Variants in BPIFC observed in about 807,000 individuals in gnomAD.
BPIFC encodes the protein BPI fold-containing family C protein.
In BPIFC, 60 loss-of-function variants were observed where a neutral mutation model predicts 57.6. The ratio of observed to expected loss-of-function variants is 1.04; its 90% CI spans 0.85 to 1.29. BPIFC has a LOEUF of 1.29. Among genes scored for constraint, BPIFC ranks in the 50% most tolerant of loss-of-function variants. The probability of loss-of-function intolerance (pLI) is 0.00; values close to 1 mark genes in which losing one functional copy is unlikely to be tolerated. For missense variants in BPIFC, 581 were observed against 600.5 expected (o/e 0.97, Z 0.34); for synonymous variants, 243 against 224.5 (o/e 1.08, Z -0.74).
intron 4 of BPIFC, among the ~76,000 whole-genome samples, chr22:32,451,405 G>A (rs1201951559): frequency 3.9e-5 from 6 of 152,036 alleles, no homozygotes; most frequent in African/African-American, 1.5e-4. Context: ...GGGATGGCTG[G>A]GTCAAATGGT....
chr22:32,462,195 A>G (rs868119888), intron 1 of BPIFC, among the ~76,000 whole-genome samples: 8 of 150,276 alleles, frequency 5.3e-5, no homozygotes, highest in African/African-American at 1.7e-4. Context: ...AAAAAAGAAA[A>G]AAGAAAAAAA....
chr22:32,461,674 A>C lies in BPIFC; in HGVS notation c.-88-13T>G. 1 of 983,102 alleles carries C rather than the reference A, an allele frequency of 1.0e-6. No homozygotes were observed. The highest frequency in any genetic ancestry group is 1.2e-6 in the Non-Finnish European group (1 of 827,904). The allele number at this position is 983,102 out of a possible 1,614,324, so 60.9% of individuals were successfully genotyped here. ...TAGTCAAGGTGTCCTGGAAAGGGGG[A>C]TAAGTAGAGATGAACTATGGGAGTG... is the stretch of plus-strand genomic sequence containing the variant. On this transcript the variant is annotated splice_polypyrimidine_tract_variant and intron_variant, in intron 1 of 16. Coordinates refer to ENST00000300399, the MANE Select transcript of BPIFC (RefSeq NM_174932.3).
At chr22:32,424,056 C>G (rs1933927265) in intron 13 of BPIFC, among the ~76,000 whole-genome samples, 1 of 151,840 alleles carries the variant, frequency 6.6e-6, no homozygotes, top group South Asian at 2.1e-4. Flanking sequence ...AATACTAGTA[C>G]TACTAGGAAC....
intron 4 of BPIFC, among the ~76,000 whole-genome samples, chr22:32,448,238 T>G (rs1372077544): frequency 6.6e-6 from 1 of 151,982 alleles, no homozygotes; most frequent in Non-Finnish European, 1.5e-5. Context: ...CTGGATAATT[T>G]TTTGTATTTT....
At position 32,435,615 on chromosome 22, in the gene BPIFC, G is replaced by T. The variant is rs966425751; in HGVS notation, c.924+89C>A. The T allele has an allele frequency of 8.6e-6, 12 of 1,394,508 alleles. No individual in the cohort carries two copies. In the Admixed American group the frequency reaches 9.0e-5, roughly 10 times the overall value. 86.4% of individuals were successfully genotyped at this position (1,394,508 alleles called of 1,614,324 possible). On this transcript the variant is annotated intron_variant, in intron 10 of 16. Transcript: ENST00000300399. Reference sequence around the variant, plus strand: ...GATAGCCTAAAAAGGTCCCAGAATCGAAATTGTGGCATAAAAGTTCTACAA... The same window carrying T: ...GATAGCCTAAAAAGGTCCCAGAATCTAAATTGTGGCATAAAAGTTCTACAA...
chr22:32,447,449 C>T (rs4821063), intron 4 of BPIFC, 109 bp from the exon 5 acceptor site: 580,128 of 1,327,652 alleles, frequency 0.44, 128,096 homozygotes, highest in Middle Eastern at 0.54. Flanking sequence ...CCATTGTGAA[C>T]TCCTACAGAG....
At chr22:32,431,792 T>TTA (rs1934249589) in intron 12 of BPIFC, among the ~76,000 whole-genome samples, 1 of 151,910 alleles carries the variant, frequency 6.6e-6, no homozygotes, top group Non-Finnish European at 1.5e-5. Context: ...CTTATTTAGA[T>TTA]TAAAAAAAAA....
intron 8 of BPIFC, among the ~76,000 whole-genome samples, chr22:32,441,536 A>G (rs766532577): frequency 6.6e-6 from 1 of 152,112 alleles, no homozygotes; most frequent in Non-Finnish European, 1.5e-5. Context: ...TGAGAGAGAG[A>G]TGTCCAAAGT....
In BPIFC at chr22:32,433,729, A is replaced by G; in HGVS notation, c.968T>C (p.Val323Ala). The part of the protein sequence containing the change: ...FVQNSQGLGN[V>A]LSRIAEIYIL... ...ACCCTGAGCACTTACCCGGGAGAGCACGTTGCCAAGGCCTTGAGAGTTTTG... is the reference window on the plus strand; with the variant it reads ...ACCCTGAGCACTTACCCGGGAGAGCGCGTTGCCAAGGCCTTGAGAGTTTTG... The change falls in exon 11 of 17, where the codon GTG (valine) becomes GCG (alanine). Residue 323 changes from valine to alanine, a missense_variant. Coordinates refer to ENST00000300399, the MANE Select transcript of BPIFC (RefSeq NM_174932.3). 2 of 1,614,026 alleles carry G rather than the reference A, an allele frequency of 1.2e-6. No individual in the cohort carries two copies. Among genetic ancestry groups the G allele is most frequent in the Admixed American group, 1.7e-5 (1 of 60,022 alleles).
At position 32,460,215 on chromosome 22, in the gene BPIFC, C is replaced by T. The variant is rs5754103; in HGVS notation, c.-1+1359G>A. ...GGCTTTTGTGTGAAATGGGAAAAGG[C>T]GCCCCTCTGGAGAGATGCCAGCCTC... On this transcript the variant is annotated intron_variant, in intron 2 of 16. Coordinates refer to ENST00000300399, the MANE Select transcript of BPIFC (RefSeq NM_174932.3). 7.4e-3 allele frequency among the ~76,000 whole-genome samples: 1,128 copies of T among 152,282 alleles called. 49 individuals are homozygous for T. The highest frequency in any genetic ancestry group is 0.055 in the Admixed American group (836 of 15,306).
intron 14 of BPIFC, 73 bp from the exon 15 acceptor site, chr22:32,417,221 G>A (rs549825562): frequency 8.9e-7 from 1 of 1,123,710 alleles, no homozygotes; most frequent in Admixed American, 1.8e-5. Flanking sequence ...TGTTACCCAG[G>A]CTGGAGTGCA....
At chr22:32,425,777 G>A (rs886376819) in intron 13 of BPIFC, among the ~76,000 whole-genome samples, 1 of 152,082 alleles carries the variant, frequency 6.6e-6, no homozygotes, top group African/African-American at 2.4e-5. Flanking sequence ...CTGGAGGTAG[G>A]TACTATTATT....
intron 3 of BPIFC, among the ~76,000 whole-genome samples, chr22:32,454,139 T>C (rs1934974583): frequency 6.6e-6 from 1 of 152,096 alleles, no homozygotes; most frequent in East Asian, 1.9e-4. Flanking sequence ...GCCCAAATCA[T>C]ACAGCTAAGA....
Position 32,419,378 on chromosome 22 carries a change from T to A in BPIFC, c.1244A>T (p.Asn415Ile). 6.2e-7 allele frequency: 1 copy of A among 1,613,936 alleles called. No individual in the cohort carries two copies. The highest frequency in any genetic ancestry group is 1.1e-5 in the South Asian group (1 of 91,054). ...GATTCCTACCTCAATGTTGCTGCGATTGGACTCTGGCAAAGCAAGGCGGAA... is the reference window on the plus strand; with the variant it reads ...GATTCCTACCTCAATGTTGCTGCGAATGGACTCTGGCAAAGCAAGGCGGAA... The part of the protein sequence containing the change: ...NRFRLALPES[N>I]RSNIEVLRFE... Residue 415 changes from asparagine (N) to isoleucine (I), a missense_variant, in exon 14 of 17, where the codon AAT (asparagine) becomes ATT (isoleucine). Asn to Ile is a moderately radical substitution (Grantham distance 149). Coordinates refer to ENST00000300399, the MANE Select transcript of BPIFC (RefSeq NM_174932.3).
rs928307558 is a variant in BPIFC, at chr22:32,419,307, T to C, written c.1260+55A>G. ...ACAATTAATTCGCTATTATATATAG[T>C]AGGAGAATCCTCGTTCTTCCAGTGC... is the stretch of plus-strand genomic sequence containing the variant. On this transcript the variant is annotated intron_variant, in intron 14 of 16. Coordinates refer to ENST00000300399, the MANE Select transcript of BPIFC (RefSeq NM_174932.3). The C allele has an allele frequency of 6.5e-6, 10 of 1,531,126 alleles. No homozygotes were observed. In the East Asian group the frequency reaches 2.0e-4, roughly 31 times the overall value. The allele number at this position is 1,531,126 out of a possible 1,614,324, so 94.8% of individuals were successfully genotyped here.
intron 11 of BPIFC, among the ~76,000 whole-genome samples, chr22:32,433,475 G>A (rs1934303482): frequency 6.6e-6 from 1 of 152,256 alleles, no homozygotes; most frequent in African/African-American, 2.4e-5. Context: ...CAAGTATGAT[G>A]GAATATTGTG....
chr22:32,435,949 T>G, intron 9 of BPIFC, 69 bp from the exon 10 acceptor site: 2 of 1,502,596 alleles, frequency 1.3e-6, no homozygotes, highest in East Asian at 4.5e-5. Context: ...ACTAAGAAGA[T>G]GGACCCTCTG....
intron 4 of BPIFC, among the ~76,000 whole-genome samples, chr22:32,449,667 T>A (rs993096266): frequency 6.6e-6 from 1 of 152,208 alleles, no homozygotes; most frequent in Non-Finnish European, 1.5e-5. Context: ...AGGTTCTTTC[T>A]AGCACTTCTG....
In BPIFC at chr22:32,433,705, C is replaced by T. The variant is rs755142017; in HGVS notation, c.978+14G>A. ...GCCAAATACACTATCAAGACTCAAA[C>T]CCTGAGCACTTACCCGGGAGAGCAC... On this transcript the variant is annotated intron_variant, in intron 11 of 16. Coordinates refer to ENST00000300399, the MANE Select transcript of BPIFC (RefSeq NM_174932.3). The T allele has an allele frequency of 6.2e-7, 1 of 1,612,988 alleles. No individual in the cohort carries two copies. Among genetic ancestry groups the T allele is most frequent in the Non-Finnish European group, 8.5e-7 (1 of 1,178,998 alleles).
Sources: gnomAD v4.1 joint callset for allele counts (sites outside exome capture counted in the v4.1 genomes callset) on GRCh38, gnomAD v4.1.1 for gene constraint, MANE v1.5 for transcripts, NCBI Gene and HGNC (gene_info 2026-07-23, HGNC 2026-07-21) for gene names.